Variants in DPYSL2 observed in about 807,000 individuals in gnomAD.
The protein encoded by DPYSL2 is dihydropyrimidinase-related protein 2.
In DPYSL2, 13 loss-of-function variants were observed where a neutral mutation model predicts 69.9. The observed-to-expected ratio is 0.19, with a 90% CI of 0.12 to 0.30. The LOEUF (loss-of-function observed/expected upper bound fraction) is 0.30. Among genes scored for constraint, DPYSL2 ranks in the 10% least tolerant of loss-of-function variants. The pLI is 1.00. For missense variants in DPYSL2, 587 were observed against 918.9 expected (o/e 0.64, Z 4.67); for synonymous variants, 326 against 359.1 (o/e 0.91, Z 1.04).
intron 1 of DPYSL2, among the ~76,000 whole-genome samples, chr8:26,551,385 T>C (rs1800872077): frequency 6.6e-6 from 1 of 152,178 alleles, no homozygotes; most frequent in African/African-American, 2.4e-5. Context: ...CAAGAAGATA[T>C]AACAATCTTT....
intron 8 of DPYSL2, 72 bp downstream of exon 8, chr8:26,634,972 A>C (rs1270192598): frequency 6.3e-6 from 10 of 1,588,776 alleles, no homozygotes; most frequent in Non-Finnish European, 7.7e-6. Flanking sequence ...CTCACTAGGG[A>C]GGGCTCCTTT....
At chr8:26,630,829 G>T (rs572924575) in intron 7 of DPYSL2, among the ~76,000 whole-genome samples, 1 of 152,110 alleles carries the variant, frequency 6.6e-6, no homozygotes, top group African/African-American at 2.4e-5. Flanking sequence ...AACCCCTCCC[G>T]CAGTGTACAC....
Position 26,647,915 on chromosome 8 carries a change from G to A in DPYSL2, c.1596+115G>A, listed in dbSNP as rs1028091171. ...AACTTGCTGTGATGGGAATGCGCTC[G>A]ACTGAGGATGTTATGATTTGCAATT... On this transcript the variant is annotated intron_variant, in intron 11 of 13. Transcript: ENST00000521913. The surrounding 1 kb of genome is among the most constrained non-coding windows in gnomAD (Gnocchi z 5.1). The A allele has an allele frequency of 6.0e-5, 75 of 1,250,480 alleles. No individual in the cohort carries two copies. Among genetic ancestry groups the A allele is most frequent in the Middle Eastern group, 5.9e-4 (3 of 5,126 alleles). 77.5% of individuals were successfully genotyped at this position (1,250,480 alleles called of 1,614,324 possible).
At chr8:26,553,947 G>A (rs1189888275) in intron 1 of DPYSL2, among the ~76,000 whole-genome samples, 1 of 128,572 alleles carries the variant, frequency 7.8e-6, no homozygotes, top group Non-Finnish European at 1.5e-5. Context: ...CACCCATGCT[G>A]GAGTGCAGTG....
chr8:26,567,383 A>T (rs1044334350), intron 1 of DPYSL2, among the ~76,000 whole-genome samples: 1 of 143,180 alleles, frequency 7.0e-6, no homozygotes, highest in Admixed American at 6.9e-5. Flanking sequence ...TGCCCACCCA[A>T]CTATCCATTC....
rs144691267 is a variant in DPYSL2, at chr8:26,519,555, A to G, written c.354+4876A>G. ...TATTCTATTAATAAAACCTTGCCCCAACACTGTCTGATACAGGCATTATTT... is the reference window on the plus strand; with the variant it reads ...TATTCTATTAATAAAACCTTGCCCCGACACTGTCTGATACAGGCATTATTT... On this transcript the variant is annotated intron_variant, in intron 1 of 13. Transcript: ENST00000521913. 5.6e-4 allele frequency among the ~76,000 whole-genome samples: 85 copies of G among 152,346 alleles called. 1 individual carries two copies. The East Asian group carries it at 0.016, about 28-fold the overall frequency.
At chr8:26,550,880 G>A (rs531140643) in intron 1 of DPYSL2, among the ~76,000 whole-genome samples, 45 of 152,266 alleles carry the variant, frequency 3.0e-4, no homozygotes, top group Non-Finnish European at 5.7e-4. Context: ...GTCCCAGAGC[G>A]CAAGAGCTGG....
At chr8:26,545,719 A>G (rs1306412808) in intron 1 of DPYSL2, among the ~76,000 whole-genome samples, 1 of 152,006 alleles carries the variant, frequency 6.6e-6, no homozygotes, top group East Asian at 1.9e-4. Flanking sequence ...GTGAGCTGAG[A>G]TTATGCCACT....
chr8:26,548,698 T>C (rs576860933), intron 1 of DPYSL2, among the ~76,000 whole-genome samples: 1 of 151,418 alleles, frequency 6.6e-6, no homozygotes, highest in South Asian at 2.1e-4. Flanking sequence ...GCCTAAGCAC[T>C]ATAGTGAGAC....
chr8:26,627,202 G>A lies in DPYSL2; in HGVS notation c.856-13G>A. 6.2e-7 allele frequency: 1 copy of A among 1,613,122 alleles called. No individual in the cohort carries two copies. Among genetic ancestry groups the A allele is most frequent in the Non-Finnish European group, 8.5e-7 (1 of 1,179,094 alleles). On this transcript the variant is annotated splice_polypyrimidine_tract_variant and intron_variant, in intron 5 of 13. Coordinates refer to ENST00000521913, the MANE Select transcript of DPYSL2 (RefSeq NM_001197293.3). This position sits in a 1 kb window ranked among gnomAD's most constrained non-coding sequence, Gnocchi z 6.9. ...AGTCCCTGTCTCTGATCCCACCCTT[G>A]TCTCTCTCTCAGATTTATGAAGTAC...
intron 1 of DPYSL2, 71 bp from the exon 2 acceptor site, chr8:26,581,898 G>A (rs1209704491): frequency 8.7e-7 from 1 of 1,151,516 alleles, no homozygotes; most frequent in Non-Finnish European, 1.3e-6. Flanking sequence ...TGTATCCTTA[G>A]CTCACATATC....
chr8:26,531,993 G>A (rs1800517000), intron 1 of DPYSL2, among the ~76,000 whole-genome samples: 1 of 152,086 alleles, frequency 6.6e-6, no homozygotes, highest in African/African-American at 2.4e-5. Flanking sequence ...TGGGCACAGG[G>A]AGGGCACTTG....
intron 3 of DPYSL2, among the ~76,000 whole-genome samples, chr8:26,590,729 TAA>T (rs1801706363): frequency 6.6e-6 from 1 of 152,264 alleles, no homozygotes; most frequent in Non-Finnish European, 1.5e-5. Flanking sequence ...TGGGCCGATC[TAA>T]TGCCTGGCAC....
Position 26,588,281 on chromosome 8 carries a change from G to A in DPYSL2, c.628+4298G>A, listed in dbSNP as rs540960466. On this transcript the variant is annotated intron_variant, in intron 3 of 13. Transcript: ENST00000521913. This position sits in a 1 kb window ranked among gnomAD's most constrained non-coding sequence, Gnocchi z 5.4. ...CAGGCGCTGTCTAGGCGTGGCTGGC[G>A]GACTGTGTGCTTTGTGTGTTGCTTC... Among the ~76,000 whole-genome samples, 4 of 152,248 alleles carry A rather than the reference G, an allele frequency of 2.6e-5. No individual in the cohort carries two copies. The highest frequency in any genetic ancestry group is 1.3e-4 in the Admixed American group (2 of 15,298).
chr8:26,536,104 C>G (rs1800588581), intron 1 of DPYSL2, among the ~76,000 whole-genome samples: 1 of 147,852 alleles, frequency 6.8e-6, no homozygotes, highest in African/African-American at 2.6e-5. Flanking sequence ...GTATCTTTTT[C>G]CTTTTTTTTT....
intron 7 of DPYSL2, among the ~76,000 whole-genome samples, chr8:26,628,263 A>G (rs796254807): frequency 6.6e-6 from 1 of 152,222 alleles, no homozygotes; most frequent in South Asian, 2.1e-4. Flanking sequence ...TTCACAACTT[A>G]TGGTCTCCAA....
Position 26,556,352 on chromosome 8 carries a change from G to C in DPYSL2, c.355-25617G>C, listed in dbSNP as rs1030848136. Among the ~76,000 whole-genome samples, 14 of 4,638 alleles carry C rather than the reference G, an allele frequency of 3.0e-3. 2 individuals carry two copies. The highest frequency in any genetic ancestry group is 4.3e-3 in the African/African-American group (10 of 2,344). 3.0% of individuals were successfully genotyped at this position (4,638 alleles called of 152,430 possible). On this transcript the variant is annotated intron_variant, in intron 1 of 13. Transcript: ENST00000521913. ...AGTATATATATAGTATATATATATA[G>C]TATATATATATAGTATATATATATA... is the stretch of plus-strand genomic sequence containing the variant.
intron 1 of DPYSL2, among the ~76,000 whole-genome samples, chr8:26,523,479 C>G (rs1288163313): frequency 2.0e-5 from 3 of 152,260 alleles, no homozygotes; most frequent in Middle Eastern, 3.4e-3. Flanking sequence ...TCATTCCCCT[C>G]TCCTCCCAGC....
intron 1 of DPYSL2, among the ~76,000 whole-genome samples, chr8:26,521,923 AATTATTTGATGGAC>A (rs1393401600): frequency 6.6e-6 from 1 of 152,098 alleles, no homozygotes; most frequent in African/African-American, 2.4e-5. Context: ...TAGTTTTTCC[AATTATTTGATGGAC>A]ATTTGGGTTG....
Sources: allele counts gnomAD v4.1 joint callset (sites outside exome capture counted in the v4.1 genomes callset), GRCh38; gene constraint gnomAD v4.1.1; non-coding constraint Gnocchi (gnomAD v3.1); transcripts MANE v1.5; gene names NCBI Gene and HGNC (gene_info 2026-07-23, HGNC 2026-07-21).